Variants in ANK1 observed in about 807,000 individuals in gnomAD.
ANK1 encodes ankyrin 1.
ANK1 carries 51 observed loss-of-function variants against 210.4 expected under a neutral mutation model. That is an observed-to-expected ratio of 0.24 (90% CI 0.19 to 0.31). The LOEUF is 0.31. Ranked by LOEUF, ANK1 falls within the 10% of genes least tolerant of loss-of-function variation. The pLI is 1.00. For synonymous variants in ANK1, 967 were observed against 1,025.9 expected (o/e 0.94, Z 1.10); for missense variants, 2,051 against 2,504.4 (o/e 0.82, Z 3.86).
At chr8:41,799,961 CTG>C (rs1427452558), upstream of ANK1, among the ~76,000 whole-genome samples, 1 of 152,232 alleles carries the variant, frequency 6.6e-6, no homozygotes, top group Non-Finnish European at 1.5e-5. Flanking sequence ...ATGTCATGGA[CTG>C]TGAATTGGAG....
chr8:41,683,848 G>C (rs1049144703), intron 37 of ANK1, among the ~76,000 whole-genome samples: 13 of 152,310 alleles, frequency 8.5e-5, no homozygotes, highest in Admixed American at 4.6e-4. Context: ...AGTGGCAGGG[G>C]CTTGGGGGCA....
At chr8:41,703,489 C>CT (rs1823628996) in intron 20 of ANK1, among the ~76,000 whole-genome samples, 1 of 121,512 alleles carries the variant, frequency 8.2e-6, no homozygotes, top group Non-Finnish European at 1.6e-5. Flanking sequence ...CTTGCTCTGT[C>CT]TTCCAGGCTG....
intron 9 of ANK1, 113 bp downstream of exon 9, chr8:41,723,012 A>T: frequency 1.1e-6 from 1 of 934,768 alleles, no homozygotes; most frequent in Non-Finnish European, 1.8e-6. Context: ...CAAAGGTGCT[A>T]TCTCATCTAG....
chr8:41,809,526 G>C (rs1012657766), intron 1 of ANK1, among the ~76,000 whole-genome samples: 6 of 152,198 alleles, frequency 3.9e-5, no homozygotes, highest in Non-Finnish European at 8.8e-5. Flanking sequence ...CAGCTACTTT[G>C]AGAGCCAAGG....
At chr8:41,690,093 C>G in intron 33 of ANK1, 134 bp downstream of exon 33, 1 of 1,428,344 alleles carries the variant, frequency 7.0e-7, no homozygotes, top group Non-Finnish European at 9.6e-7. Flanking sequence ...AGCTCAGCAC[C>G]TTTGCATGCC....
chr8:41,844,911 TC>T, intron 1 of ANK1, among the ~76,000 whole-genome samples: 1 of 152,068 alleles, frequency 6.6e-6, no homozygotes, highest in Admixed American at 6.5e-5. Flanking sequence ...CCGCCTCCTG[TC>T]CCCGGGATGC....
chr8:41,770,325 C>T (rs568589605), intron 1 of ANK1, among the ~76,000 whole-genome samples: 5 of 152,262 alleles, frequency 3.3e-5, no homozygotes, highest in African/African-American at 1.2e-4. Context: ...ATCTTTTGTC[C>T]ATTTTTAAGT....
rs1830572969 is a variant in ANK1, at chr8:41,725,896, G to C, written c.477C>G (p.Val159=). Residue 159 remains valine, a synonymous_variant, in exon 6 of 43, where the codon GTC becomes GTG. Coordinates refer to ENST00000289734, the MANE Select transcript of ANK1 (RefSeq NM_000037.4). ...AVALQQGHEN[V]VAHLINYGTK... is the part of the protein sequence containing the mutation. ...TGCCGTAGTTGATGAGGTGCGCGAC[G>C]ACGTTCTCATGGCCCTGCTGCAGGG... 1.2e-6 allele frequency: 2 copies of C among 1,613,622 alleles called. No homozygotes were observed.
intron 39 of ANK1, chr8:41,665,315 A>C (rs921056193): frequency 8.0e-6 from 11 of 1,370,628 alleles, no homozygotes; most frequent in Non-Finnish European, 8.7e-6. Flanking sequence ...TACCTCCCCA[A>C]ACCAGCTGCC....
At chr8:41,696,879 C>G in intron 24 of ANK1, 106 bp from the exon 25 acceptor site, 1 of 1,106,362 alleles carries the variant, frequency 9.0e-7, no homozygotes, top group Non-Finnish European at 1.3e-6. Flanking sequence ...AAACCAGGTG[C>G]CACGTGGAGA....
intron 1 of ANK1, among the ~76,000 whole-genome samples, chr8:41,821,072 T>G (rs1017658763): frequency 6.6e-6 from 1 of 152,204 alleles, no homozygotes. Context: ...AGCTTTTCAG[T>G]GCTACTCCTG....
intron 22 of ANK1, among the ~76,000 whole-genome samples, chr8:41,701,254 A>G (rs1309942317): frequency 6.6e-6 from 1 of 152,244 alleles, no homozygotes; most frequent in East Asian, 1.9e-4. Flanking sequence ...ACTTGATCTC[A>G]GTAGAACCAC....
At chr8:41,747,984 GA>G (rs1473491538) in intron 2 of ANK1, among the ~76,000 whole-genome samples, 1 of 152,196 alleles carries the variant, frequency 6.6e-6, no homozygotes, top group East Asian at 1.9e-4. Context: ...AGTCAGTACA[GA>G]GGCTTGGGCT....
In ANK1 at chr8:41,692,892, A is replaced by G. The variant is rs547030549; in HGVS notation, c.3630-16T>C. On this transcript the variant is annotated splice_polypyrimidine_tract_variant and intron_variant, in intron 30 of 42. Transcript: ENST00000289734. ...CAGCCAAAACCTAAAAAGTAGGGCGAGTTATGTGTTCCCAAGTGCCCAACA... is the reference window on the plus strand; with the variant it reads ...CAGCCAAAACCTAAAAAGTAGGGCGGGTTATGTGTTCCCAAGTGCCCAACA... 6.2e-7 allele frequency: 1 copy of G among 1,610,538 alleles called. No homozygotes were observed. The highest frequency in any genetic ancestry group is 8.5e-7 in the Non-Finnish European group (1 of 1,177,020).
chr8:41,749,383 C>T (rs186327561), intron 2 of ANK1, among the ~76,000 whole-genome samples: 105 of 146,968 alleles, frequency 7.1e-4, no homozygotes, highest in African/African-American at 2.6e-3. Context: ...CTGCAACCTT[C>T]GCCTCCCGGG....
At chr8:41,681,046 C>T (rs1246798207) in intron 37 of ANK1, among the ~76,000 whole-genome samples, 1 of 152,222 alleles carries the variant, frequency 6.6e-6, no homozygotes, top group African/African-American at 2.4e-5. Context: ...GTGGTCCCTG[C>T]TCATTCCAGG....
At chr8:41,674,119 C>G (rs977603180) in intron 37 of ANK1, among the ~76,000 whole-genome samples, 1 of 151,912 alleles carries the variant, frequency 6.6e-6, no homozygotes, top group Non-Finnish European at 1.5e-5. Context: ...CTTGCCCCCT[C>G]AGCCTCCGCT....
At chr8:41,878,610 A>C (rs991062141) in intron 1 of ANK1, among the ~76,000 whole-genome samples, 2 of 152,270 alleles carry the variant, frequency 1.3e-5, no homozygotes, top group African/African-American at 4.8e-5. Flanking sequence ...TGCATGGCCC[A>C]GGACAAAATG....
chr8:41,667,758 G>A (rs1321105409), intron 39 of ANK1, among the ~76,000 whole-genome samples: 7 of 152,062 alleles, frequency 4.6e-5, no homozygotes, highest in Non-Finnish European at 8.8e-5. Flanking sequence ...CAGAGTCCAC[G>A]TGAATAGCCA....
Sources: allele counts gnomAD v4.1 joint callset (sites outside exome capture counted in the v4.1 genomes callset), GRCh38; gene constraint gnomAD v4.1.1; transcripts MANE v1.5; gene names NCBI Gene and HGNC (gene_info 2026-07-23, HGNC 2026-07-21).